MAP2K4: variants seen among roughly 807,000 people sequenced by gnomAD.
MAP2K4 encodes the protein mitogen-activated protein kinase kinase 4.
Under a neutral mutation model 48.5 loss-of-function variants are expected in MAP2K4, and 4 were observed. The observed-to-expected ratio is 0.08, with a 90% CI of 0.04 to 0.19. MAP2K4 has a LOEUF of 0.19. Among genes scored for constraint, MAP2K4 ranks in the 10% least tolerant of loss-of-function variants. MAP2K4 has a pLI of 1.00. For missense variants in MAP2K4, 258 were observed against 493.3 expected (o/e 0.52, Z 4.52); for synonymous variants, 166 against 173.1 (o/e 0.96, Z 0.32).
At chr17:12,070,979 G>T (rs1490415352) in intron 2 of MAP2K4, among the ~76,000 whole-genome samples, 4 of 152,194 alleles carry the variant, frequency 2.6e-5, no homozygotes, top group Non-Finnish European at 5.9e-5. Context: ...CGAAGGTTCT[G>T]GGGGAGGATC....
chr17:12,095,855 CTT>C (rs28923197), intron 4 of MAP2K4, among the ~76,000 whole-genome samples, 161 bp downstream of exon 4: 41 of 151,586 alleles, frequency 2.7e-4, no homozygotes, highest in Admixed American at 1.7e-3. Flanking sequence ...ACTTCTGACT[CTT>C]TTTGCGGTGG....
At chr17:12,064,017 G>C (rs552616756) in intron 2 of MAP2K4, among the ~76,000 whole-genome samples, 12 of 115,904 alleles carry the variant, frequency 1.0e-4, no homozygotes, top group South Asian at 8.1e-4. Context: ...AGAGGGGAAG[G>C]GGGGGAGAGA....
At chr17:12,038,262 T>C (rs1969662322) in intron 1 of MAP2K4, among the ~76,000 whole-genome samples, 1 of 152,152 alleles carries the variant, frequency 6.6e-6, no homozygotes, top group Non-Finnish European at 1.5e-5. Context: ...GTGTAGTAAA[T>C]ATTTGGATTG....
chr17:12,122,770 G>C (rs1321634327), intron 7 of MAP2K4, among the ~76,000 whole-genome samples: 1 of 152,032 alleles, frequency 6.6e-6, no homozygotes, highest in Non-Finnish European at 1.5e-5. Context: ...GTTAACTCTT[G>C]GTTATTTTAG....
At chr17:12,086,454 G>A (rs912918720) in intron 3 of MAP2K4, among the ~76,000 whole-genome samples, 17 of 152,156 alleles carry the variant, frequency 1.1e-4, no homozygotes, top group Non-Finnish European at 2.1e-4. Context: ...ATACATGTGT[G>A]CTTGTTTTGC....
intron 1 of MAP2K4, among the ~76,000 whole-genome samples, chr17:12,041,762 G>A (rs1969791800): frequency 1.3e-5 from 2 of 152,170 alleles, no homozygotes; most frequent in South Asian, 4.1e-4. Context: ...TCAAACATTT[G>A]AGCTTCGATT....
chr17:12,098,400 T>C (rs12450549), intron 4 of MAP2K4, among the ~76,000 whole-genome samples: 134,617 of 151,210 alleles, frequency 0.89, 62,024 homozygotes, highest in East Asian at 1. Flanking sequence ...ATCGCTTGAA[T>C]CCAGGAGGCG....
intron 7 of MAP2K4, among the ~76,000 whole-genome samples, chr17:12,114,263 T>C (rs542720409): frequency 6.6e-5 from 10 of 152,238 alleles, no homozygotes; most frequent in Non-Finnish European, 1.3e-4. Context: ...ATAGGTGTTC[T>C]AGATTATTTA....
chr17:12,092,951 G>A (rs571081026), intron 3 of MAP2K4, among the ~76,000 whole-genome samples: 241 of 152,262 alleles, frequency 1.6e-3, no homozygotes, highest in Non-Finnish European at 2.9e-3. Context: ...GCATCAACCC[G>A]GGAGGAGGAG....
chr17:12,088,247 G>A (rs568602546), intron 3 of MAP2K4, among the ~76,000 whole-genome samples: 2 of 151,842 alleles, frequency 1.3e-5, no homozygotes, highest in Middle Eastern at 3.4e-3. Context: ...TCATTGACTA[G>A]CAGTGGATTC....
At chr17:12,135,555 CATTT>C (rs993733585) in intron 9 of MAP2K4, among the ~76,000 whole-genome samples, 10 of 152,020 alleles carry the variant, frequency 6.6e-5, no homozygotes, top group Non-Finnish European at 1.2e-4. Flanking sequence ...TTTAAAGTGC[CATTT>C]ATTTATTTAG....
At chr17:12,139,713 C>T (rs567281610) in intron 9 of MAP2K4, 126 bp from the exon 10 acceptor site, 2 of 617,674 alleles carry the variant, frequency 3.2e-6, no homozygotes, top group South Asian at 2.6e-5. Flanking sequence ...AGCAGGCTGT[C>T]TGCGTTGTTA....
At chr17:12,042,046 T>C (rs1969803817) in intron 1 of MAP2K4, among the ~76,000 whole-genome samples, 1 of 151,282 alleles carries the variant, frequency 6.6e-6, no homozygotes, top group Admixed American at 6.6e-5. Context: ...CCGGGTGTGG[T>C]GGCAAGCACC....
intron 1 of MAP2K4, chr17:12,036,632 C>T (rs950338385): frequency 3.6e-4 from 55 of 152,124 alleles, no homozygotes; most frequent in African/African-American, 1.3e-3. Flanking sequence ...GACAGAAGCC[C>T]CCTTTTTTAG....
chr17:12,060,770 G>T (rs1451293484), intron 2 of MAP2K4, among the ~76,000 whole-genome samples: 1 of 151,400 alleles, frequency 6.6e-6, no homozygotes, highest in Non-Finnish European at 1.5e-5. Flanking sequence ...TGTGTGGCTG[G>T]TTTGGTGCTA....
At position 12,142,386 on chromosome 17, in the gene MAP2K4, A is replaced by G. The variant is rs973174439; in HGVS notation, c.*1126A>G. The G allele has an allele frequency of 3.4e-5, 8 of 233,128 alleles. No homozygotes were observed. Among genetic ancestry groups the G allele is most frequent in the African/African-American group, 1.5e-4 (7 of 45,440 alleles). The allele number at this position is 233,128 out of a possible 1,614,324, so 14.4% of individuals were successfully genotyped here. On this transcript the variant is annotated 3_prime_UTR_variant, in exon 11 of 11. Transcript: ENST00000353533. ...ATCTCTTTCCCTTCCCCTGTGGTCT[A>G]TTGTCGCTATGTGACTTGCGCTTAA...
At chr17:12,035,390 G>A (rs992581169) in intron 1 of MAP2K4, among the ~76,000 whole-genome samples, 5 of 152,152 alleles carry the variant, frequency 3.3e-5, no homozygotes, top group African/African-American at 9.7e-5. Flanking sequence ...GGTGGCACAC[G>A]CCTGTAATCC....
At chr17:12,026,317 A>G (rs752684793) in intron 1 of MAP2K4, among the ~76,000 whole-genome samples, 1 of 152,100 alleles carries the variant, frequency 6.6e-6, no homozygotes, top group Non-Finnish European at 1.5e-5. Flanking sequence ...ATGTGAGCCC[A>G]TAGAGTTTCC....
chr17:12,123,297 G>T (rs1467145413), intron 7 of MAP2K4, among the ~76,000 whole-genome samples: 1 of 152,112 alleles, frequency 6.6e-6, no homozygotes, highest in Non-Finnish European at 1.5e-5. Flanking sequence ...TAGTTTAAAG[G>T]TTATTCACAC....
Sources: allele counts gnomAD v4.1 joint callset (sites outside exome capture counted in the v4.1 genomes callset), GRCh38; gene constraint gnomAD v4.1.1; transcripts MANE v1.5; gene names NCBI Gene and HGNC (gene_info 2026-07-23, HGNC 2026-07-21).